SLIT2: variants seen among roughly 807,000 people sequenced by gnomAD.
SLIT2 encodes slit guidance ligand 2, also known as slit homolog 2 protein.
Under a neutral mutation model 185.7 loss-of-function variants are expected in SLIT2, and 41 were observed. That is an observed-to-expected ratio of 0.22 (90% CI 0.17 to 0.29). The LOEUF (loss-of-function observed/expected upper bound fraction) is 0.29. SLIT2 is among the 10% of genes least tolerant of loss of function. The pLI is 1.00. For synonymous variants in SLIT2, 693 were observed against 680.2 expected (o/e 1.02, Z -0.29); for missense variants, 1,571 against 1,909.0 (o/e 0.82, Z 3.30).
chr4:20,272,097 G>A (rs1261939236), intron 4 of SLIT2, among the ~76,000 whole-genome samples: 2 of 152,026 alleles, frequency 1.3e-5, no homozygotes, highest in Non-Finnish European at 2.9e-5. Context: ...GTTTGTTGGA[G>A]TAGGAGACTA....
At chr4:20,439,785 A>G (rs922354593) in intron 4 of SLIT2, among the ~76,000 whole-genome samples, 3 of 152,158 alleles carry the variant, frequency 2.0e-5, no homozygotes, top group Non-Finnish European at 2.9e-5. Flanking sequence ...CCGTACAAAG[A>G]TTTAGTAATA....
At chr4:20,411,440 T>C (rs1577603345) in intron 4 of SLIT2, among the ~76,000 whole-genome samples, 1 of 152,228 alleles carries the variant, frequency 6.6e-6, no homozygotes, top group East Asian at 1.9e-4. Flanking sequence ...TTTTAAGGAT[T>C]GGAGCTGGAC....
intron 4 of SLIT2, chr4:20,393,787 T>G (rs1435573977): frequency 6.6e-6 from 1 of 152,082 alleles, no homozygotes; most frequent in Non-Finnish European, 1.5e-5. Flanking sequence ...TTTTATAGAC[T>G]TTGAAAGCTT....
chr4:20,515,591 AG>A (rs1409768180), intron 11 of SLIT2, among the ~76,000 whole-genome samples: 1 of 152,166 alleles, frequency 6.6e-6, no homozygotes, highest in Non-Finnish European at 1.5e-5. Flanking sequence ...GAAAATTAAA[AG>A]GTAGCACCTC....
chr4:20,389,534 T>C (rs4563491), intron 4 of SLIT2, among the ~76,000 whole-genome samples: 4 of 143,052 alleles, frequency 2.8e-5, no homozygotes, highest in African/African-American at 1.0e-4. Context: ...TTGTTATGTG[T>C]TTTTTTTTTT....
intron 11 of SLIT2, among the ~76,000 whole-genome samples, chr4:20,518,579 ATATATATATT>A (rs1560495047): frequency 8.6e-5 from 2 of 23,326 alleles, no homozygotes; most frequent in South Asian, 2.9e-3. Context: ...ATATATATAT[ATATATATATT>A]TTTTTTTTTT....
chr4:20,472,262 A>AACACTGATGCAG (rs1715172092), intron 5 of SLIT2, among the ~76,000 whole-genome samples: 1 of 58,970 alleles, frequency 1.7e-5, no homozygotes, highest in East Asian at 8.1e-4. Context: ...ATAGATCTAT[A>AACACTGATGCAG]TATAGATATA....
intron 24 of SLIT2, 97 bp downstream of exon 24, chr4:20,549,225 C>T (rs956549749): frequency 1.5e-6 from 1 of 667,682 alleles, no homozygotes; most frequent in South Asian, 1.8e-5. Flanking sequence ...ATTCTTGGTG[C>T]TTGAAGATAC....
chr4:20,544,463 A>G (rs548556642), intron 21 of SLIT2, among the ~76,000 whole-genome samples: 1 of 152,128 alleles, frequency 6.6e-6, no homozygotes, highest in African/African-American at 2.4e-5. Context: ...TTGAATTTTC[A>G]ATCTATTTTA....
At chr4:20,411,414 G>T (rs1235246784) in intron 4 of SLIT2, among the ~76,000 whole-genome samples, 1 of 152,140 alleles carries the variant, frequency 6.6e-6, no homozygotes, top group East Asian at 1.9e-4. Context: ...TTAATAACTT[G>T]GCAAACACCC....
Position 20,559,593 on chromosome 4 carries a change from A to C in SLIT2, c.2725+5625A>C, listed in dbSNP as rs191883824. 2.0e-5 allele frequency among the ~76,000 whole-genome samples: 3 copies of C among 152,090 alleles called. No homozygotes were observed. The South Asian group carries it at 6.2e-4, about 32-fold the overall frequency. ...ATAATAACAATAATAGCTAAGTTCT[A>C]TTGAATAGTTTACCTAATGCTGAGT... On this transcript the variant is annotated intron_variant, in intron 26 of 36. Transcript: ENST00000504154.
chr4:20,395,245 G>A (rs930329844), intron 4 of SLIT2, among the ~76,000 whole-genome samples: 4 of 151,940 alleles, frequency 2.6e-5, no homozygotes, highest in Non-Finnish European at 5.9e-5. Context: ...TGTGAAGGAC[G>A]AGCAGAGCTT....
At chr4:20,426,614 G>C (rs1728576571) in intron 4 of SLIT2, among the ~76,000 whole-genome samples, 2 of 151,950 alleles carry the variant, frequency 1.3e-5, no homozygotes. Context: ...AGTAGCTTTA[G>C]GTTTTGGAAA....
intron 33 of SLIT2, among the ~76,000 whole-genome samples, chr4:20,604,419 G>A (rs1008583048): frequency 3.3e-5 from 5 of 151,992 alleles, no homozygotes; most frequent in South Asian, 4.1e-4. Flanking sequence ...GCGCGATCTC[G>A]GCTCACTGCA....
At chr4:20,423,734 A>T (rs946565196) in intron 4 of SLIT2, among the ~76,000 whole-genome samples, 1 of 152,170 alleles carries the variant, frequency 6.6e-6, no homozygotes, top group African/African-American at 2.4e-5. Flanking sequence ...GGTAGAACTC[A>T]TAAACATAAT....
chr4:20,351,258 A>G (rs1227119148), intron 4 of SLIT2, among the ~76,000 whole-genome samples: 3 of 152,078 alleles, frequency 2.0e-5, no homozygotes, highest in Non-Finnish European at 4.4e-5. Context: ...CATGTTGGCC[A>G]GGCTGGTCTC....
rs2148913427 is a variant in SLIT2 at position 20,567,290 on chromosome 4, G to A, written c.2754G>A (p.Lys918=). Residue 918 remains lysine (K), a synonymous_variant, in exon 27 of 37, where the codon AAG becomes AAA. Transcript: ENST00000504154. ...QGPVDVNILA[K]CNPCLSNPCK... ...CTGTGGATGTCAATATTCTAGCTAA[G>A]TGTAACCCCTGCCTATCAAATCCGT... 6.2e-7 allele frequency: 1 copy of A among 1,611,776 alleles called. No homozygotes were observed. Among genetic ancestry groups the A allele is most frequent in the South Asian group, 1.1e-5 (1 of 90,756 alleles).
intron 29 of SLIT2, among the ~76,000 whole-genome samples, chr4:20,571,544 T>C (rs1725605558): frequency 2.0e-5 from 3 of 152,300 alleles, no homozygotes; most frequent in South Asian, 4.1e-4. Flanking sequence ...CCTTTAATTA[T>C]GGGGAAGTAT....
intron 15 of SLIT2, among the ~76,000 whole-genome samples, chr4:20,525,893 C>T (rs1440088198): frequency 2.0e-5 from 3 of 152,090 alleles, no homozygotes; most frequent in African/African-American, 4.8e-5. Flanking sequence ...GAAAAGTAAT[C>T]GCAATGTTTT....
Sources: allele counts gnomAD v4.1 joint callset (sites outside exome capture counted in the v4.1 genomes callset), GRCh38; gene constraint gnomAD v4.1.1; transcripts MANE v1.5; gene names NCBI Gene and HGNC (gene_info 2026-07-23, HGNC 2026-07-21).